C1GALT1: variants seen among roughly 807,000 people sequenced by gnomAD.
The protein encoded by C1GALT1 is core 1 synthase, glycoprotein-N-acetylgalactosamine 3-beta-galactosyltransferase 1.
In C1GALT1, 11 loss-of-function variants were observed where a neutral mutation model predicts 31.0. That is an observed-to-expected ratio of 0.36 (90% CI 0.22 to 0.59). The LOEUF (loss-of-function observed/expected upper bound fraction) is 0.59. C1GALT1 is among the 20% of genes least tolerant of loss of function. C1GALT1 has a pLI of 0.79. For synonymous variants in C1GALT1, 175 were observed against 143.6 expected (o/e 1.22, Z -1.56); for missense variants, 424 against 425.2 (o/e 1.00, Z 0.03).
intron 1 of C1GALT1, among the ~76,000 whole-genome samples, chr7:7,208,223 G>C (rs565205114): frequency 2.0e-5 from 3 of 151,920 alleles, no homozygotes; most frequent in African/African-American, 7.3e-5. Context: ...TAAAATAAAG[G>C]TTCAATAAAG....
chr7:7,222,619 A>G (rs1048950304), intron 1 of C1GALT1, among the ~76,000 whole-genome samples: 1 of 152,178 alleles, frequency 6.6e-6, no homozygotes, highest in Non-Finnish European at 1.5e-5. Flanking sequence ...TTTTTGTGCT[A>G]ATTGAGACAG....
At chr7:7,194,191 C>G (rs1781190142) in intron 1 of C1GALT1, among the ~76,000 whole-genome samples, 1 of 152,092 alleles carries the variant, frequency 6.6e-6, no homozygotes, top group Non-Finnish European at 1.5e-5. Flanking sequence ...ATCCCTCTGG[C>G]TAGGACTTCC....
chr7:7,238,598 T>C lies in C1GALT1; in HGVS notation c.564T>C (p.Pro188=). The C allele has an allele frequency of 6.2e-7, 1 of 1,614,106 alleles. No homozygotes were observed. Among genetic ancestry groups the C allele is most frequent in the Non-Finnish European group, 8.5e-7 (1 of 1,179,990 alleles). ...NLRWLLSKYD[P]EEPIYFGRRF... is the part of the protein sequence containing the mutation. ...GGTGGCTTCTTTCAAAATACGACCC[T>C]GAAGAACCCATTTACTTTGGGAGAA... The change falls in exon 3 of 4, where the codon CCT becomes CCC. Residue 188 remains proline, a synonymous_variant. Transcript: ENST00000436587. This position sits in a 1 kb window ranked among gnomAD's most constrained non-coding sequence, Gnocchi z 5.2.
intron 1 of C1GALT1, among the ~76,000 whole-genome samples, chr7:7,193,132 T>C (rs1781145444): frequency 6.6e-6 from 1 of 152,200 alleles, no homozygotes; most frequent in African/African-American, 2.4e-5. Context: ...TTTCCTTTGC[T>C]GTGCAGAATC....
At chr7:7,215,152 G>A (rs1219826878) in intron 1 of C1GALT1, among the ~76,000 whole-genome samples, 1 of 152,176 alleles carries the variant, frequency 6.6e-6, no homozygotes, top group Admixed American at 6.5e-5. Context: ...ACAAGATGGA[G>A]GCTGTAGCCA....
chr7:7,236,221 G>T (rs1243985067), intron 2 of C1GALT1, among the ~76,000 whole-genome samples: 1 of 152,120 alleles, frequency 6.6e-6, no homozygotes, highest in Non-Finnish European at 1.5e-5. Flanking sequence ...AGCAGGAAAT[G>T]TGTCTTACTC....
chr7:7,238,735 A>G lies in C1GALT1; in HGVS notation c.701A>G (p.His234Arg), dbSNP rs1173965566. ...GCATTTAAAACAGACAAGTGTACAC[A>G]TAGTTCCTCCATTGAAGACTTAGCA... is the stretch of plus-strand genomic sequence containing the variant. The part of the protein sequence containing the change: ...VDAFKTDKCT[H>R]SSSIEDLALG... The change falls in exon 3 of 4, where the codon CAT (histidine) becomes CGT (arginine). Residue 234 changes from histidine to arginine, a missense_variant. His to Arg is a conservative substitution (Grantham distance 29). Transcript: ENST00000436587. The surrounding 1 kb of genome is among the most constrained non-coding windows in gnomAD (Gnocchi z 5.2). 3 of 1,613,944 alleles carry G rather than the reference A, an allele frequency of 1.9e-6. No homozygotes were observed. Among genetic ancestry groups the G allele is most frequent in the Admixed American group, 3.3e-5 (2 of 60,024 alleles).
At chr7:7,158,283 A>C (rs1373388194) in intron 2 of C1GALT1, among the ~76,000 whole-genome samples, 1 of 152,174 alleles carries the variant, frequency 6.6e-6, no homozygotes, top group Admixed American at 6.6e-5. Context: ...GCAGGGCTCT[A>C]TACCTGACTC....
At chr7:7,203,067 T>A in intron 1 of C1GALT1, among the ~76,000 whole-genome samples, 1 of 149,284 alleles carries the variant, frequency 6.7e-6, no homozygotes, top group East Asian at 2.0e-4. Context: ...GCTTCTTTGC[T>A]AAATTAATTT....
chr7:7,214,094 A>G (rs1782126196), intron 1 of C1GALT1, among the ~76,000 whole-genome samples: 1 of 152,138 alleles, frequency 6.6e-6, no homozygotes, highest in African/African-American at 2.4e-5. Context: ...TGTATTTTCT[A>G]CTTAGTTATT....
chr7:7,204,188 C>T (rs1361416681), intron 1 of C1GALT1, among the ~76,000 whole-genome samples: 1 of 151,108 alleles, frequency 6.6e-6, no homozygotes, highest in Non-Finnish European at 1.5e-5. Context: ...CAGAATTCAC[C>T]AGTGAAGCCA....
intron 3 of C1GALT1, among the ~76,000 whole-genome samples, chr7:7,241,132 T>G (rs1164967085): frequency 6.6e-6 from 1 of 152,082 alleles, no homozygotes; most frequent in East Asian, 1.9e-4. Flanking sequence ...AAAAATTGAC[T>G]TTTCTGTAGG....
At chr7:7,241,237 A>G (rs1783614391) in intron 3 of C1GALT1, among the ~76,000 whole-genome samples, 1 of 151,966 alleles carries the variant, frequency 6.6e-6, no homozygotes, top group African/African-American at 2.4e-5. Context: ...AGAGCTCCTG[A>G]TTTTTTTAAA....
intron 3 of C1GALT1, among the ~76,000 whole-genome samples, chr7:7,239,905 G>A (rs1783545328): frequency 1.3e-5 from 2 of 152,106 alleles, no homozygotes; most frequent in Non-Finnish European, 2.9e-5. Context: ...TGTCTGCTGT[G>A]TTCACTATTA....
At chr7:7,207,630 A>G (rs2128237769) in intron 1 of C1GALT1, among the ~76,000 whole-genome samples, 1 of 151,950 alleles carries the variant, frequency 6.6e-6, no homozygotes, top group South Asian at 2.1e-4. Context: ...TTCAGGGACA[A>G]TTTGTTAGTT....
chr7:7,190,138 A>G lies in C1GALT1; in HGVS notation c.-18+7318A>G, dbSNP rs114035128. On this transcript the variant is annotated intron_variant, in intron 1 of 3. Transcript: ENST00000436587. ...CTTGCACAGCAGAGGAAATGTCAGCATTTCTAAAGAAGGAACCAGGGTTAT... is the reference window on the plus strand; with the variant it reads ...CTTGCACAGCAGAGGAAATGTCAGCGTTTCTAAAGAAGGAACCAGGGTTAT... Among the ~76,000 whole-genome samples the G allele has an allele frequency of 3.8e-3, 581 of 152,290 alleles. 5 individuals carry two copies. Among genetic ancestry groups the G allele is most frequent in the African/African-American group, 0.013 (555 of 41,546 alleles).
chr7:7,223,428 G>C (rs999600043), intron 1 of C1GALT1, among the ~76,000 whole-genome samples: 13 of 152,320 alleles, frequency 8.5e-5, no homozygotes, highest in African/African-American at 2.9e-4. Context: ...CTCCGAAAGT[G>C]CTAGGATTAC....
intron 1 of C1GALT1, among the ~76,000 whole-genome samples, chr7:7,206,131 A>G: frequency 6.6e-6 from 1 of 152,196 alleles, no homozygotes; most frequent in African/African-American, 2.4e-5. Context: ...CATCCCCACC[A>G]CTTATTGATG....
At chr7:7,214,902 G>A (rs1782162659) in intron 1 of C1GALT1, among the ~76,000 whole-genome samples, 1 of 152,168 alleles carries the variant, frequency 6.6e-6, no homozygotes, top group South Asian at 2.1e-4. Context: ...CCATGCAGCT[G>A]GAGGCTACAA....
Sources: allele counts gnomAD v4.1 joint callset (sites outside exome capture counted in the v4.1 genomes callset), GRCh38; gene constraint gnomAD v4.1.1; non-coding constraint Gnocchi (gnomAD v3.1); transcripts MANE v1.5; gene names NCBI Gene and HGNC (gene_info 2026-07-23, HGNC 2026-07-21).